CYP20A1: variants seen among roughly 807,000 people sequenced by gnomAD.
The protein encoded by CYP20A1 is cytochrome P450 20A1.
CYP20A1 carries 61 observed loss-of-function variants against 61.4 expected under a neutral mutation model. The observed-to-expected ratio is 0.99, with a 90% CI of 0.81 to 1.23. CYP20A1 has a LOEUF of 1.23. Ranked by LOEUF, CYP20A1 falls within the 50% of genes most tolerant of loss-of-function variation. The pLI, the probability that CYP20A1 is intolerant of heterozygous loss-of-function variation, is 0.00. For missense variants in CYP20A1, 530 were observed against 542.4 expected (o/e 0.98, Z 0.23); for synonymous variants, 193 against 188.2 (o/e 1.03, Z -0.21).
At chr2:203,265,283 A>G (rs2067279510) in intron 4 of CYP20A1, among the ~76,000 whole-genome samples, 1 of 152,220 alleles carries the variant, frequency 6.6e-6, no homozygotes, top group Non-Finnish European at 1.5e-5. Flanking sequence ...CAATCAAAAA[A>G]TGTTTCCAAA....
chr2:203,256,989 G>A (rs753993960), intron 4 of CYP20A1, among the ~76,000 whole-genome samples: 10 of 151,568 alleles, frequency 6.6e-5, no homozygotes, highest in Admixed American at 2.0e-4. Flanking sequence ...CATAACAACT[G>A]GATATATTTA....
chr2:203,303,655 A>T lies in CYP20A1; in HGVS notation c.*6747A>T, dbSNP rs1164055158. On this transcript the variant is annotated 3_prime_UTR_variant, in exon 13 of 13. Transcript: ENST00000356079. ...GGTTGCAGTGAGCCGAGATCGCGCC[A>T]TTGCACTCCAGTGTGGGTGACGAGC... 6.6e-6 allele frequency among the ~76,000 whole-genome samples: 1 copy of T among 151,952 alleles called. No homozygotes were observed. The highest frequency in any genetic ancestry group is 2.0e-4 in the East Asian group (1 of 5,128).
chr2:203,258,543 A>G (rs754190293), intron 4 of CYP20A1, among the ~76,000 whole-genome samples: 20 of 152,262 alleles, frequency 1.3e-4, no homozygotes, highest in Admixed American at 2.0e-4. Context: ...TACTCTGCAC[A>G]CTTCTGCTTC....
At position 203,301,264 on chromosome 2, in the gene CYP20A1, T is replaced by C. The variant is rs1053166546; in HGVS notation, c.*4356T>C. ...CTTTTCTTTCTTTCTTTTCTTTTCT[T>C]TTTTTTTTTTGAGGCACAGTCTTGC... On this transcript the variant is annotated 3_prime_UTR_variant, in exon 13 of 13. Coordinates refer to ENST00000356079, the MANE Select transcript of CYP20A1 (RefSeq NM_177538.3). 1.3e-5 allele frequency among the ~76,000 whole-genome samples: 2 copies of C among 148,172 alleles called. No homozygotes were observed. The highest frequency in any genetic ancestry group is 4.9e-5 in the African/African-American group (2 of 40,674).
chr2:203,239,867 G>A (rs2066187482), intron 1 of CYP20A1, among the ~76,000 whole-genome samples: 2 of 152,206 alleles, frequency 1.3e-5, no homozygotes, highest in South Asian at 4.1e-4. Flanking sequence ...GGAGGCTGAG[G>A]CGGGCGGATC....
rs528611702 is a variant in CYP20A1 at position 203,299,808 on chromosome 2, A to G, written c.*2900A>G. On this transcript the variant is annotated 3_prime_UTR_variant, in exon 13 of 13. Transcript: ENST00000356079. ...AGAACTGCTTGAACCTGGGAGGCAG[A>G]GGTTGCGGTGAGCCAAGATCGCGCC... is the stretch of plus-strand genomic sequence containing the variant. 6.6e-6 allele frequency among the ~76,000 whole-genome samples: 1 copy of G among 152,080 alleles called. No individual in the cohort carries two copies. Among genetic ancestry groups the G allele is most frequent in the Non-Finnish European group, 1.5e-5 (1 of 68,026 alleles).
At chr2:203,250,484 T>C (rs2066619736) in intron 3 of CYP20A1, among the ~76,000 whole-genome samples, 1 of 151,742 alleles carries the variant, frequency 6.6e-6, no homozygotes, top group Admixed American at 6.6e-5. Context: ...TGGTTCAAGA[T>C]TGTGCTTTTG....
chr2:203,283,693 C>T (rs529508486), intron 8 of CYP20A1, among the ~76,000 whole-genome samples: 5 of 151,272 alleles, frequency 3.3e-5, no homozygotes, highest in Non-Finnish European at 7.4e-5. Flanking sequence ...GGACTAGAGG[C>T]GCGTGCCACC....
chr2:203,274,684 C>A (rs974813436), intron 6 of CYP20A1, among the ~76,000 whole-genome samples: 8 of 151,878 alleles, frequency 5.3e-5, no homozygotes, highest in Admixed American at 3.3e-4. Flanking sequence ...AGACAAAAAT[C>A]CCTGTCCTCA....
intron 1 of CYP20A1, among the ~76,000 whole-genome samples, chr2:203,243,723 T>C (rs1435432253): frequency 7.5e-6 from 1 of 132,692 alleles, no homozygotes; most frequent in Non-Finnish European, 1.6e-5. Flanking sequence ...AGGGTCTCAC[T>C]CTGTCACCCA....
intron 4 of CYP20A1, among the ~76,000 whole-genome samples, chr2:203,263,074 C>T (rs1197642193): frequency 6.6e-6 from 1 of 151,752 alleles, no homozygotes; most frequent in Non-Finnish European, 1.5e-5. Flanking sequence ...CTGCAACCTC[C>T]GCCTCCTGGG....
At chr2:203,250,672 A>T (rs1483941747) in intron 3 of CYP20A1, among the ~76,000 whole-genome samples, 1 of 152,228 alleles carries the variant, frequency 6.6e-6, no homozygotes, top group Non-Finnish European at 1.5e-5. Flanking sequence ...AAACATTCAA[A>T]TTATCACACT....
intron 4 of CYP20A1, 124 bp downstream of exon 4, chr2:203,252,233 C>G: frequency 1.3e-6 from 1 of 748,340 alleles, no homozygotes; most frequent in Non-Finnish European, 1.9e-6. Flanking sequence ...TAATTTTATT[C>G]TGAAATTAAA....
chr2:203,301,767 T>G lies in CYP20A1; in HGVS notation c.*4859T>G, dbSNP rs2069030364. Among the ~76,000 whole-genome samples, 1 of 152,178 alleles carries G rather than the reference T, an allele frequency of 6.6e-6. No individual in the cohort carries two copies. Among genetic ancestry groups the G allele is most frequent in the Admixed American group, 6.5e-5 (1 of 15,268 alleles). On this transcript the variant is annotated 3_prime_UTR_variant, in exon 13 of 13. Coordinates refer to ENST00000356079, the MANE Select transcript of CYP20A1 (RefSeq NM_177538.3). ...TATAACCCCTATGTCAAAATTTGTT[T>G]ATCTTAAAATAGTTTGTATAAAAAG... is the stretch of plus-strand genomic sequence containing the variant.
At chr2:203,262,765 T>G (rs1176080535) in intron 4 of CYP20A1, among the ~76,000 whole-genome samples, 1 of 151,030 alleles carries the variant, frequency 6.6e-6, no homozygotes, top group African/African-American at 2.4e-5. Flanking sequence ...CTCGGCTCAC[T>G]GCAAGCTCCG....
At chr2:203,274,544 A>G (rs1458439736) in intron 6 of CYP20A1, among the ~76,000 whole-genome samples, 4 of 152,152 alleles carry the variant, frequency 2.6e-5, no homozygotes, top group Admixed American at 2.6e-4. Context: ...GGATAAATTA[A>G]AATACAGAGG....
intron 10 of CYP20A1, 41 bp downstream of exon 10, chr2:203,289,917 C>T (rs1335576321): frequency 9.5e-7 from 1 of 1,053,790 alleles, no homozygotes; most frequent in Admixed American, 2.0e-5. Context: ...CAGCTATTCT[C>T]AACTCTTTTG....
intron 5 of CYP20A1, among the ~76,000 whole-genome samples, chr2:203,271,606 A>G (rs988977368): frequency 6.6e-6 from 1 of 152,284 alleles, no homozygotes; most frequent in East Asian, 1.9e-4. Context: ...TTGGAAGCCT[A>G]TTCTGCTGCT....
intron 1 of CYP20A1, among the ~76,000 whole-genome samples, chr2:203,240,028 G>C (rs1264649382): frequency 6.6e-6 from 1 of 152,108 alleles, no homozygotes; most frequent in Non-Finnish European, 1.5e-5. Context: ...CCTGGGAGGC[G>C]GAGCTTGCAG....
Sources: gnomAD v4.1 joint callset for allele counts (sites outside exome capture counted in the v4.1 genomes callset) on GRCh38, gnomAD v4.1.1 for gene constraint, MANE v1.5 for transcripts, NCBI Gene and HGNC (gene_info 2026-07-23, HGNC 2026-07-21) for gene names.